ARHGAP20: variants seen among roughly 807,000 people sequenced by gnomAD.
ARHGAP20 encodes Rho GTPase activating protein 20, also known as rho GTPase-activating protein 20.
A neutral mutation model predicts 73.7 loss-of-function variants in ARHGAP20; 34 were observed. The observed-to-expected ratio is 0.46, with a 90% CI of 0.35 to 0.61. The LOEUF (loss-of-function observed/expected upper bound fraction) is 0.61, where lower values mean the gene tolerates loss of function less well. Among genes scored for constraint, ARHGAP20 ranks in the 20% least tolerant of loss-of-function variants. The probability of loss-of-function intolerance (pLI) is 0.00; values close to 1 mark genes in which losing one functional copy is unlikely to be tolerated. For synonymous variants in ARHGAP20, 523 were observed against 518.2 expected (o/e 1.01, Z -0.13); for missense variants, 1,314 against 1,420.9 (o/e 0.92, Z 1.21).
At chr11:110,700,481 T>G (rs2135140267) in intron 1 of ARHGAP20, among the ~76,000 whole-genome samples, 1 of 152,198 alleles carries the variant, frequency 6.6e-6, no homozygotes, top group East Asian at 1.9e-4. Flanking sequence ...TACATGCCTG[T>G]AGCATTTACT....
intron 8 of ARHGAP20, among the ~76,000 whole-genome samples, chr11:110,608,536 T>C (rs186089373): frequency 7.6e-4 from 115 of 152,274 alleles, no homozygotes; most frequent in African/African-American, 2.6e-3. Flanking sequence ...TCTGGGTACA[T>C]AGCAGGTATT....
In ARHGAP20 at chr11:110,712,286, G is replaced by T. The variant is rs901177435; in HGVS notation, c.-55C>A. ...AGGAGGAGGCTACACGATCATGTCCGCGGGCTGCCGGCCGGAGGGGCGAGG... is the reference window on the plus strand; with the variant it reads ...AGGAGGAGGCTACACGATCATGTCCTCGGGCTGCCGGCCGGAGGGGCGAGG... On this transcript the variant is annotated 5_prime_UTR_variant, in exon 1 of 15. Transcript: ENST00000683387. The T allele has an allele frequency of 2.4e-6, 3 of 1,249,970 alleles. No individual in the cohort carries two copies. The highest frequency in any genetic ancestry group is 3.0e-6 in the Non-Finnish European group (3 of 984,018). The allele number at this position is 1,249,970 out of a possible 1,614,324, so 77.4% of individuals were successfully genotyped here. A position where few individuals can be genotyped will look rare whatever the true frequency, so the allele number is the denominator to read the frequency against.
At chr11:110,606,127 A>G (rs1175684381) in intron 9 of ARHGAP20, among the ~76,000 whole-genome samples, 1 of 152,208 alleles carries the variant, frequency 6.6e-6, no homozygotes, top group African/African-American at 2.4e-5. Context: ...AAATCATCTT[A>G]GTCTTCACAT....
chr11:110,632,003 C>T (rs1351938133), intron 2 of ARHGAP20, among the ~76,000 whole-genome samples: 1 of 152,142 alleles, frequency 6.6e-6, no homozygotes, highest in Non-Finnish European at 1.5e-5. Context: ...GGAATTCATT[C>T]ATGTTATTAC....
At position 110,580,845 on chromosome 11, in the gene ARHGAP20, G is replaced by A. The variant is rs768772740; in HGVS notation, c.2101C>T (p.Arg701Trp). The A allele has an allele frequency of 5.0e-6, 8 of 1,613,306 alleles. No individual in the cohort carries two copies. Among genetic ancestry groups the A allele is most frequent in the East Asian group, 2.2e-5 (1 of 44,874 alleles). The change falls in exon 15 of 15, where the codon CGG (arginine) becomes TGG (tryptophan). Residue 701 changes from arginine (R) to tryptophan (W), a missense_variant. By Grantham distance (101) the Arg-to-Trp change is moderately radical (BLOSUM62 -3). Coordinates refer to ENST00000683387, the MANE Select transcript of ARHGAP20 (RefSeq NM_001384657.1). ...ANAAKSLRRH[R>W]RCSEPSIDYL... ...TCGATGCTGGGCTCTGAGCAACGCCGGTGTCGCCTCAGGCTTTTTGCAGCA... is the reference window on the plus strand; with the variant it reads ...TCGATGCTGGGCTCTGAGCAACGCCAGTGTCGCCTCAGGCTTTTTGCAGCA...
chr11:110,664,682 T>C (rs1290322058), intron 2 of ARHGAP20, among the ~76,000 whole-genome samples: 1 of 142,580 alleles, frequency 7.0e-6, no homozygotes, highest in African/African-American at 2.6e-5. Context: ...GAGCGGAGAC[T>C]GTGCCACTGC....
chr11:110,693,143 T>C (rs953083795), intron 1 of ARHGAP20, among the ~76,000 whole-genome samples: 1 of 152,020 alleles, frequency 6.6e-6, no homozygotes, highest in Admixed American at 6.6e-5. Flanking sequence ...TAATAGTGAA[T>C]AGAATGTATT....
rs1445803814 is a variant in ARHGAP20 at position 110,630,804 on chromosome 11, C to CA, written c.189-13dup. ...CAGAAGGACTGTCCCTGTAACAGAT[C>CA]AAATGCCACAGATCAGTCAAACGAT... On this transcript the variant is annotated splice_polypyrimidine_tract_variant and intron_variant, in intron 2 of 14. Coordinates refer to ENST00000683387, the MANE Select transcript of ARHGAP20 (RefSeq NM_001384657.1). The CA allele has an allele frequency of 6.2e-7, 1 of 1,609,150 alleles. No homozygotes were observed. The highest frequency in any genetic ancestry group is 2.2e-5 in the East Asian group (1 of 44,816).
At chr11:110,684,582 G>GA (rs1435586035) in intron 2 of ARHGAP20, among the ~76,000 whole-genome samples, 6 of 151,712 alleles carry the variant, frequency 4.0e-5, no homozygotes, top group South Asian at 4.2e-4. Flanking sequence ...CTAAACAAAG[G>GA]AAAAAAACTA....
chr11:110,700,283 T>G (rs939607131), intron 1 of ARHGAP20, among the ~76,000 whole-genome samples: 1 of 152,066 alleles, frequency 6.6e-6, no homozygotes, highest in African/African-American at 2.4e-5. Context: ...GAAGTCACTT[T>G]CAAGCATTTA....
At chr11:110,621,312 C>T (rs925630443) in intron 4 of ARHGAP20, among the ~76,000 whole-genome samples, 2 of 151,986 alleles carry the variant, frequency 1.3e-5, no homozygotes, top group African/African-American at 4.8e-5. Context: ...TGCCTTTTAC[C>T]AAATTTAGGT....
At chr11:110,615,722 C>A in intron 4 of ARHGAP20, 128 bp from the exon 5 acceptor site, 1 of 774,444 alleles carries the variant, frequency 1.3e-6, no homozygotes. Context: ...CACACATAAG[C>A]TGCAACCTTG....
chr11:110,577,394 A>G lies in ARHGAP20; in HGVS notation c.*1976T>C, dbSNP rs1947313391. 4 of 1,167,610 alleles carry G rather than the reference A, an allele frequency of 3.4e-6. No homozygotes were observed. The highest frequency in any genetic ancestry group is 4.2e-6 in the Non-Finnish European group (4 of 947,766). The allele number at this position is 1,167,610 out of a possible 1,614,324, so 72.3% of individuals were successfully genotyped here. On this transcript the variant is annotated 3_prime_UTR_variant, in exon 15 of 15. Coordinates refer to ENST00000683387, the MANE Select transcript of ARHGAP20 (RefSeq NM_001384657.1). ...TATCTAAGGGAACACAGATAGTAGG[A>G]ATGGTTATTAAAAAACCTCAGCAAC...
intron 1 of ARHGAP20, among the ~76,000 whole-genome samples, chr11:110,696,111 A>G (rs1449867973): frequency 6.6e-6 from 1 of 151,616 alleles, no homozygotes; most frequent in African/African-American, 2.4e-5. Flanking sequence ...AGTGCCCAGA[A>G]CAAGCAAATC....
At chr11:110,688,815 A>G (rs1267205159) in intron 2 of ARHGAP20, among the ~76,000 whole-genome samples, 1 of 152,126 alleles carries the variant, frequency 6.6e-6, no homozygotes, top group Non-Finnish European at 1.5e-5. Flanking sequence ...AGGAGTTTAC[A>G]TTTCTTGATC....
intron 2 of ARHGAP20, among the ~76,000 whole-genome samples, chr11:110,634,558 T>C (rs998756590): frequency 2.6e-5 from 4 of 152,174 alleles, no homozygotes; most frequent in African/African-American, 9.6e-5. Context: ...GTGATTGAGT[T>C]CAGTGGTTTA....
At chr11:110,659,575 T>C (rs1453031472) in intron 2 of ARHGAP20, among the ~76,000 whole-genome samples, 8 of 151,978 alleles carry the variant, frequency 5.3e-5, no homozygotes, top group Non-Finnish European at 8.8e-5. Flanking sequence ...TTAGATCCCA[T>C]TTGTCAATTT....
chr11:110,585,946 T>C (rs1393100334), intron 12 of ARHGAP20, among the ~76,000 whole-genome samples: 9 of 152,170 alleles, frequency 5.9e-5, no homozygotes, highest in Admixed American at 3.3e-4. Flanking sequence ...AAAATTAAGA[T>C]CATAAACTGA....
chr11:110,635,257 GCAT>G (rs1233252773), intron 2 of ARHGAP20, among the ~76,000 whole-genome samples: 8 of 151,952 alleles, frequency 5.3e-5, no homozygotes, highest in African/African-American at 4.8e-5. Flanking sequence ...CTCCTGATCA[GCAT>G]CATCATCATC....
Sources: allele counts gnomAD v4.1 joint callset (sites outside exome capture counted in the v4.1 genomes callset), GRCh38; gene constraint gnomAD v4.1.1; transcripts MANE v1.5; gene names NCBI Gene and HGNC (gene_info 2026-07-23, HGNC 2026-07-21).